DGKG: variants seen among roughly 807,000 people sequenced by gnomAD.
DGKG encodes DAG kinase gamma.
Under a neutral mutation model 105.3 loss-of-function variants are expected in DGKG, and 78 were observed. The observed-to-expected ratio is 0.74, with a 90% CI of 0.62 to 0.89. The LOEUF is 0.89. DGKG is among the 40% of genes least tolerant of loss of function. The pLI is 0.00. For missense variants in DGKG, 958 were observed against 1,020.1 expected, an observed-to-expected ratio of 0.94 and a Z score of 0.83; for synonymous variants, 346 against 367.1, an observed-to-expected ratio of 0.94 and a Z score of 0.66.
chr3:186,295,975 A>G (rs1406987083), intron 5 of DGKG, among the ~76,000 whole-genome samples: 1 of 152,102 alleles, frequency 6.6e-6, no homozygotes, highest in Non-Finnish European at 1.5e-5. Context: ...CAGGCGTGGC[A>G]GCACACTCTT....
intron 17 of DGKG, 59 bp from the exon 18 acceptor site, chr3:186,253,241 T>C (rs1417679773): frequency 7.8e-6 from 11 of 1,412,464 alleles, no homozygotes; most frequent in East Asian, 2.3e-5. Context: ...AATGTTTGAG[T>C]TGTCTTTTTA....
chr3:186,215,059 G>A (rs1339749831), intron 20 of DGKG, among the ~76,000 whole-genome samples: 1 of 152,218 alleles, frequency 6.6e-6, no homozygotes, highest in East Asian at 1.9e-4. Flanking sequence ...TAAGGCTGGA[G>A]GCAGACAGGA....
At chr3:186,315,950 T>A (rs900526072) in intron 2 of DGKG, among the ~76,000 whole-genome samples, 6 of 152,254 alleles carry the variant, frequency 3.9e-5, no homozygotes, top group African/African-American at 1.2e-4. Flanking sequence ...CAGCAGCTTC[T>A]TCTGTGCTCT....
At chr3:186,236,986 G>A (rs1011377384) in intron 20 of DGKG, among the ~76,000 whole-genome samples, 1 of 152,214 alleles carries the variant, frequency 6.6e-6, no homozygotes, top group Non-Finnish European at 1.5e-5. Context: ...TGGCTTTTAT[G>A]TATAGATTTC....
intron 2 of DGKG, among the ~76,000 whole-genome samples, chr3:186,310,959 C>T (rs893797696): frequency 3.3e-5 from 5 of 152,114 alleles, no homozygotes; most frequent in African/African-American, 1.2e-4. Context: ...GGAGACAGCT[C>T]GTAAGTCACA....
chr3:186,320,647 T>C lies in DGKG; in HGVS notation c.-188A>G. On this transcript the variant is annotated 5_prime_UTR_variant, in exon 2 of 25. It adds an upstream start codon to the 5' untranslated region. Transcript: ENST00000265022. ...TCAGAAGATGAGACAAGATCTCTGC[T>C]ATTCCTTAGGCAACATCCTCCTGTC... 4.5e-6 allele frequency: 4 copies of C among 882,504 alleles called. No homozygotes were observed. The highest frequency in any genetic ancestry group is 6.5e-6 in the Non-Finnish European group (4 of 615,666). 54.7% of individuals were successfully genotyped at this position (882,504 alleles called of 1,614,324 possible). A position where few individuals can be genotyped will look rare whatever the true frequency, so the allele number is the denominator to read the frequency against.
At chr3:186,216,566 A>C (rs1167449258) in intron 20 of DGKG, among the ~76,000 whole-genome samples, 1 of 152,194 alleles carries the variant, frequency 6.6e-6, no homozygotes, top group Admixed American at 6.5e-5. Flanking sequence ...AAATAAGGAC[A>C]TTCACAGATG....
intron 9 of DGKG, among the ~76,000 whole-genome samples, chr3:186,276,203 A>G (rs1722580942): frequency 6.6e-6 from 1 of 152,242 alleles, no homozygotes; most frequent in South Asian, 2.1e-4. Context: ...GGCTAATGAT[A>G]GTACATCCGT....
At chr3:186,229,035 TAAG>T (rs948460825) in intron 20 of DGKG, among the ~76,000 whole-genome samples, 2 of 152,114 alleles carry the variant, frequency 1.3e-5, no homozygotes, top group Admixed American at 6.5e-5. Flanking sequence ...GACGTCCTTA[TAAG>T]AAGAAGGAGA....
chr3:186,199,851 C>T lies in DGKG; in HGVS notation c.1918-11472G>A, dbSNP rs141136085. The stretch of plus-strand genomic sequence containing the variant: ...TTTTACAGATGAGGAAACATTGACT[C>T]GGTGACACTAAGGAAGGAATGTCTT... On this transcript the variant is annotated intron_variant, in intron 21 of 24. Coordinates refer to ENST00000265022, the MANE Select transcript of DGKG (RefSeq NM_001346.3). Among the ~76,000 whole-genome samples the T allele has an allele frequency of 6.6e-4, 101 of 152,168 alleles. 1 individual carries two copies. The highest frequency in any genetic ancestry group is 3.4e-3 in the Middle Eastern group (1 of 294).
intron 7 of DGKG, 52 bp from the exon 8 acceptor site, chr3:186,280,796 T>C: frequency 6.6e-7 from 1 of 1,514,672 alleles, no homozygotes; most frequent in Non-Finnish European, 9.2e-7. Context: ...CAGAGATGTG[T>C]CATTAAGAGC....
rs1395459512 is a variant in DGKG at position 186,319,733 on chromosome 3, C to G, written c.67+660G>C. The stretch of plus-strand genomic sequence containing the variant: ...AAGGATTAGGAGTAACCTGAGGGGA[C>G]AAGCCATGGGCCCATGTGTGGCTGT... On this transcript the variant is annotated intron_variant, in intron 2 of 24. Transcript: ENST00000265022. 2.7e-5 allele frequency among the ~76,000 whole-genome samples: 4 copies of G among 149,154 alleles called. No individual in the cohort carries two copies. In the East Asian group the frequency reaches 7.7e-4, roughly 29 times the overall value.
At chr3:186,269,546 C>T (rs1301551852) in intron 11 of DGKG, among the ~76,000 whole-genome samples, 1 of 152,190 alleles carries the variant, frequency 6.6e-6, no homozygotes, top group Non-Finnish European at 1.5e-5. Flanking sequence ...TTTAGCTGCC[C>T]ATTAGAAGTA....
intron 21 of DGKG, among the ~76,000 whole-genome samples, chr3:186,199,689 T>C (rs1209503177): frequency 3.9e-5 from 6 of 152,090 alleles, no homozygotes; most frequent in Non-Finnish European, 8.8e-5. Context: ...ATTTTTGTAT[T>C]CTTAGTAGGG....
At position 186,320,157 on chromosome 3, in the gene DGKG, C is replaced by T. The variant is rs375382568; in HGVS notation, c.67+236G>A. Reference sequence around the variant, plus strand: ...TGTTGTCAGTGATTTTTAACCTACTCTTTTTTTCTATGTATATTGCAAATT... The same window carrying T: ...TGTTGTCAGTGATTTTTAACCTACTTTTTTTTTCTATGTATATTGCAAATT... On this transcript the variant is annotated intron_variant, in intron 2 of 24. Transcript: ENST00000265022. 2.6e-5 allele frequency among the ~76,000 whole-genome samples: 4 copies of T among 152,320 alleles called. No individual in the cohort carries two copies. In the East Asian group the frequency reaches 7.7e-4, roughly 29 times the overall value.
chr3:186,153,110 G>C (rs934221639), intron 24 of DGKG, among the ~76,000 whole-genome samples: 5 of 152,014 alleles, frequency 3.3e-5, no homozygotes, highest in African/African-American at 1.2e-4. Flanking sequence ...TTTTTCAGCG[G>C]TTCTGACAAA....
At chr3:186,360,535 T>A (rs1436119659) in intron 1 of DGKG, among the ~76,000 whole-genome samples, 1 of 152,158 alleles carries the variant, frequency 6.6e-6, no homozygotes, top group Non-Finnish European at 1.5e-5. Context: ...AACAGTTAAG[T>A]ACCTTCCCAT....
chr3:186,317,213 C>A (rs1724859745), intron 2 of DGKG, among the ~76,000 whole-genome samples: 1 of 152,226 alleles, frequency 6.6e-6, no homozygotes, highest in Non-Finnish European at 1.5e-5. Flanking sequence ...CACCTACTTG[C>A]CTTTCTGGTT....
At chr3:186,183,578 T>C (rs1020156069) in intron 22 of DGKG, among the ~76,000 whole-genome samples, 1 of 152,138 alleles carries the variant, frequency 6.6e-6, no homozygotes, top group African/African-American at 2.4e-5. Flanking sequence ...CCTCCATCCT[T>C]GGAATCTGAA....
Sources: gnomAD v4.1 joint callset for allele counts (sites outside exome capture counted in the v4.1 genomes callset) on GRCh38, gnomAD v4.1.1 for gene constraint, MANE v1.5 for transcripts, NCBI Gene and HGNC (gene_info 2026-07-23, HGNC 2026-07-21) for gene names.